Variants in WDR7 observed in about 807,000 individuals in gnomAD.
WDR7 encodes the protein WD repeat domain 7.
A neutral mutation model predicts 169.4 loss-of-function variants in WDR7; 46 were observed. That is an observed-to-expected ratio of 0.27 (90% CI 0.21 to 0.35). The LOEUF is 0.35. WDR7 is among the 10% of genes least tolerant of loss of function. The probability of loss-of-function intolerance (pLI) is 1.00; values close to 1 mark genes in which losing one functional copy is unlikely to be tolerated. For synonymous variants in WDR7, 612 were observed against 666.8 expected (o/e 0.92, Z 1.27); for missense variants, 1,534 against 1,859.3 (o/e 0.83, Z 3.22).
intron 19 of WDR7, among the ~76,000 whole-genome samples, chr18:56,808,936 G>T (rs950725752): frequency 6.6e-6 from 1 of 152,050 alleles, no homozygotes; most frequent in South Asian, 2.1e-4. Flanking sequence ...TTATCTAAGC[G>T]TTTAGAAATC....
chr18:56,765,598 A>G lies in WDR7; in HGVS notation c.2848+6645A>G, dbSNP rs188214957. On this transcript the variant is annotated intron_variant, in intron 16 of 27. Transcript: ENST00000254442. ...TTTTATATATGTTATAAACCTCACA[A>G]ATTATTCTTGTGATTTGTGTTTAAC... 1.5e-3 allele frequency among the ~76,000 whole-genome samples: 230 copies of G among 152,144 alleles called. 1 individual carries two copies. Among genetic ancestry groups the G allele is most frequent in the Non-Finnish European group, 2.2e-3 (147 of 67,966 alleles).
At chr18:56,669,951 G>A (rs187963928) in intron 1 of WDR7, among the ~76,000 whole-genome samples, 36 of 152,198 alleles carry the variant, frequency 2.4e-4, no homozygotes, top group Middle Eastern at 3.4e-3. Flanking sequence ...AAAACTGCAT[G>A]CTCTGGATTT....
intron 19 of WDR7, among the ~76,000 whole-genome samples, chr18:56,789,327 C>T (rs115271467): frequency 0.01 from 1,562 of 152,316 alleles, 30 homozygotes; most frequent in African/African-American, 0.035. Flanking sequence ...GTTATTTAGA[C>T]TTTACTTCTA....
intron 19 of WDR7, among the ~76,000 whole-genome samples, chr18:56,815,576 C>CT (rs2044951417): frequency 6.6e-6 from 1 of 152,090 alleles, no homozygotes; most frequent in Non-Finnish European, 1.5e-5. Flanking sequence ...TGTTTCAGGT[C>CT]CGTTACTTAG....
chr18:56,929,208 C>A (rs1331236532), intron 22 of WDR7, among the ~76,000 whole-genome samples: 2 of 151,796 alleles, frequency 1.3e-5, no homozygotes, highest in Non-Finnish European at 2.9e-5. Context: ...CACAGGAGGT[C>A]AAGGCTGCAG....
chr18:56,833,352 C>G (rs1270426895), intron 20 of WDR7, among the ~76,000 whole-genome samples: 3 of 151,810 alleles, frequency 2.0e-5, no homozygotes, highest in Non-Finnish European at 4.4e-5. Context: ...AAATATGGGA[C>G]TATGGGACTA....
intron 5 of WDR7, among the ~76,000 whole-genome samples, chr18:56,683,140 G>T (rs1011897700): frequency 6.6e-6 from 1 of 152,032 alleles, no homozygotes; most frequent in African/African-American, 2.4e-5. Context: ...AACCTTTGGG[G>T]GTGTAGTTTT....
intron 21 of WDR7, among the ~76,000 whole-genome samples, chr18:56,892,480 G>A (rs2046277041): frequency 6.6e-6 from 1 of 152,006 alleles, no homozygotes; most frequent in African/African-American, 2.4e-5. Flanking sequence ...ATAGGCCACA[G>A]ATCAGCAAAC....
At chr18:56,694,561 G>C (rs1019049093) in intron 9 of WDR7, 58 bp from the exon 10 acceptor site, 2 of 1,517,446 alleles carry the variant, frequency 1.3e-6, no homozygotes, top group African/African-American at 2.7e-5. Flanking sequence ...AAGCATTAAT[G>C]TGTGAAATAT....
intron 19 of WDR7, among the ~76,000 whole-genome samples, chr18:56,793,912 C>G (rs1037159669): frequency 1.3e-5 from 2 of 152,102 alleles, no homozygotes; most frequent in African/African-American, 4.8e-5. Context: ...CAAACAGGGA[C>G]CATTTCAGAG....
chr18:56,847,137 C>T (rs147963822), intron 20 of WDR7, among the ~76,000 whole-genome samples: 407 of 152,232 alleles, frequency 2.7e-3, no homozygotes, highest in African/African-American at 9.3e-3. Flanking sequence ...GTAAAGGCTA[C>T]ACTGATGAGA....
intron 14 of WDR7, among the ~76,000 whole-genome samples, chr18:56,743,108 G>C (rs745739803): frequency 7.2e-5 from 11 of 152,172 alleles, no homozygotes; most frequent in Admixed American, 3.3e-4. Flanking sequence ...GGTAAGGAAG[G>C]TTGGCTCACA....
intron 2 of WDR7, among the ~76,000 whole-genome samples, chr18:56,678,076 A>G (rs892345347): frequency 1.3e-5 from 2 of 152,170 alleles, no homozygotes; most frequent in African/African-American, 2.4e-5. Flanking sequence ...TAGTATGCCA[A>G]TTGCATTTTC....
rs2044438763 is a variant in WDR7 at position 56,788,636 on chromosome 18, T to TACCACTTTTGAGCAAGA, written c.3190+6980_3190+6981insACCACTTTTGAGCAAGA. On this transcript the variant is annotated intron_variant, in intron 19 of 27. Transcript: ENST00000254442. ...CCTATCTCCTTTGTGGTATTCTGGA[T>TACCACTTTTGAGCAAGA]GTCTTTTCTTTTTGAGCAAGAGTAT... 1.1e-4 allele frequency among the ~76,000 whole-genome samples: 16 copies of TACCACTTTTGAGCAAGA among 152,280 alleles called. 1 individual carries two copies. Among genetic ancestry groups the TACCACTTTTGAGCAAGA allele is most frequent in the Middle Eastern group, 3.4e-3 (1 of 294 alleles).
chr18:56,889,284 CTG>C (rs1273087653), intron 21 of WDR7, among the ~76,000 whole-genome samples: 1 of 152,178 alleles, frequency 6.6e-6, no homozygotes, highest in Non-Finnish European at 1.5e-5. Context: ...GAGGAAGAAA[CTG>C]TCATTTATTT....
intron 12 of WDR7, among the ~76,000 whole-genome samples, chr18:56,713,034 C>T (rs981238133): frequency 6.6e-6 from 1 of 152,100 alleles, no homozygotes; most frequent in African/African-American, 2.4e-5. Flanking sequence ...TTAAAATGTG[C>T]TTGCTTAAGG....
rs2048280627 is a variant in WDR7, at chr18:57,020,915, C to T, written c.4269+66C>T. On this transcript the variant is annotated intron_variant, in intron 27 of 27. Transcript: ENST00000254442. ...TGATATGCCTTTGGTAGTAAGCCTT[C>T]CTGTTGAGCCTACCTGCCGGCCCTC... 5 of 1,446,708 alleles carry T rather than the reference C, an allele frequency of 3.5e-6. No homozygotes were observed. The South Asian group carries it at 5.9e-5, about 17-fold the overall frequency. 89.6% of individuals were successfully genotyped at this position (1,446,708 alleles called of 1,614,324 possible).
rs907753528 is a variant in WDR7, at chr18:56,816,124, T to A, written c.3284T>A (p.Val1095Asp). ...GTCCAGGAGGAAGAGCATGACCTTG[T>A]TGACGATGACATCACCACTGGTAAG... Reference protein sequence around the residue: ...AKVQEEEHDLVDDDITTGCLS... With the variant: ...AKVQEEEHDLDDDDITTGCLS... The change falls in exon 20 of 28, where the codon GTT becomes GAT. Residue 1095 changes from valine (V) to aspartate (D), a missense_variant. Val to Asp is a radical substitution (Grantham distance 152). Transcript: ENST00000254442. 6.2e-7 allele frequency: 1 copy of A among 1,613,596 alleles called. No homozygotes were observed. The highest frequency in any genetic ancestry group is 8.5e-7 in the Non-Finnish European group (1 of 1,179,890).
chr18:57,004,323 G>A (rs1260761424), intron 26 of WDR7, among the ~76,000 whole-genome samples: 1 of 152,102 alleles, frequency 6.6e-6, no homozygotes. Context: ...GAAGTTATAT[G>A]TCTCTGGTGT....
Sources: gnomAD v4.1 joint callset for allele counts (sites outside exome capture counted in the v4.1 genomes callset) on GRCh38, gnomAD v4.1.1 for gene constraint, MANE v1.5 for transcripts, NCBI Gene and HGNC (gene_info 2026-07-23, HGNC 2026-07-21) for gene names.